Variants in LYST observed in about 807,000 individuals in gnomAD.
LYST encodes the protein lysosomal-trafficking regulator.
In LYST, 192 loss-of-function variants were observed where a neutral mutation model predicts 413.6. The observed-to-expected ratio is 0.46, with a 90% confidence interval of 0.41 to 0.52. LYST has a LOEUF of 0.52. LYST is among the 20% of genes least tolerant of loss of function. The probability of loss-of-function intolerance (pLI) is 0.00; values close to 1 mark genes in which losing one functional copy is unlikely to be tolerated. For synonymous variants in LYST, 1,525 were observed against 1,567.3 expected, an observed-to-expected ratio of 0.97 and a Z score of 0.64; for missense variants, 3,815 against 4,499.9, an observed-to-expected ratio of 0.85 and a Z score of 4.35.
At chr1:235,798,578 TAAAAAAAAAAAAAAAAAA>T (rs71174462) in intron 10 of LYST, among the ~76,000 whole-genome samples, 2,064 of 81,750 alleles carry the variant, frequency 0.025, 97 homozygotes, top group Middle Eastern at 0.047. Flanking sequence ...AACCCTGTCA[TAAAAAAAAAAAAAAAAAA>T]AAAAAAAAAA....
At chr1:235,730,365 G>C (rs1664257404) in intron 36 of LYST, among the ~76,000 whole-genome samples, 1 of 151,950 alleles carries the variant, frequency 6.6e-6, no homozygotes, top group African/African-American at 2.4e-5. Flanking sequence ...ACTTGCCTAA[G>C]ATTAAAGAGC....
chr1:235,697,254 T>C lies in LYST; in HGVS notation c.10393A>G (p.Lys3465Glu). The change falls in exon 46 of 53, where the codon AAA becomes GAA. Residue 3465 changes from lysine (K) to glutamate (E), a missense_variant. Around this residue, in one of 4 missense-constraint regions of LYST, gnomAD observed 866 missense variants for 1,156.0 expected, o/e 0.75. Transcript: ENST00000389793. Reference sequence around the variant, plus strand: ...ACGTATTCCCCCCATTTCAAGCCTTTTATCCATGACAAAGGACTCTAAAAT... The same window carrying C: ...ACGTATTCCCCCCATTTCAAGCCTTCTATCCATGACAAAGGACTCTAAAAT... ...ITYPSPLSWIKGLKWGEYVGS... is the reference protein window; with the variant it reads ...ITYPSPLSWIEGLKWGEYVGS... 1 of 1,613,940 alleles carries C rather than the reference T, an allele frequency of 6.2e-7. No individual in the cohort carries two copies. The highest frequency in any genetic ancestry group is 8.5e-7 in the Non-Finnish European group (1 of 1,179,846).
intron 36 of LYST, among the ~76,000 whole-genome samples, chr1:235,730,226 C>A (rs1664244161): frequency 6.6e-6 from 1 of 151,930 alleles, no homozygotes; most frequent in Non-Finnish European, 1.5e-5. Context: ...ATAACAACCA[C>A]AATAACTGCA....
Position 235,663,096 on chromosome 1 carries a change from T to A in LYST, c.11268-18A>T, listed in dbSNP as rs1244901878. ...ATGTAAGGCTGTAAAAAAAAAAAAATTCCCATTTGTACATTATATTTCTTA... is the reference window on the plus strand; with the variant it reads ...ATGTAAGGCTGTAAAAAAAAAAAAAATCCCATTTGTACATTATATTTCTTA... On this transcript the variant is annotated intron_variant, in intron 52 of 52. Transcript: ENST00000389793. The A allele has an allele frequency of 3.7e-6, 5 of 1,358,952 alleles. No homozygotes were observed. The highest frequency in any genetic ancestry group is 5.3e-6 in the Non-Finnish European group (5 of 948,318). 84.2% of individuals were successfully genotyped at this position (1,358,952 alleles called of 1,614,324 possible).
Position 235,686,882 on chromosome 1 carries a change from T to C in LYST, c.10800+67A>G. On this transcript the variant is annotated intron_variant, in intron 48 of 52. Transcript: ENST00000389793. This position sits in a 1 kb window ranked among gnomAD's most constrained non-coding sequence, Gnocchi z 4.0. Reference sequence around the variant, plus strand: ...TAATCTTATGCAAAGTGAATTATACTTCATAAAGGCTTTCTTCCCCTCATT... The same window carrying C: ...TAATCTTATGCAAAGTGAATTATACCTCATAAAGGCTTTCTTCCCCTCATT... The C allele has an allele frequency of 8.7e-7, 1 of 1,146,130 alleles. No individual in the cohort carries two copies. The highest frequency in any genetic ancestry group is 2.3e-5 in the East Asian group (1 of 42,736). 71.0% of individuals were successfully genotyped at this position (1,146,130 alleles called of 1,614,324 possible). A position where few individuals can be genotyped will look rare whatever the true frequency, so the allele number is the denominator to read the frequency against.
chr1:235,734,584 C>A lies in LYST; in HGVS notation c.8434G>T (p.Gly2812Cys). Reference sequence around the variant, plus strand: ...GCATTCATAAGCAGTTCTGCTGTGCCTAGCTCTTCTTCAGTCAATTCACCT... The same window carrying A: ...GCATTCATAAGCAGTTCTGCTGTGCATAGCTCTTCTTCAGTCAATTCACCT... ...HQGELTEEEL[G>C]TAELLMNALK... Residue 2812 changes from glycine to cysteine, a missense_variant, in exon 32 of 53, where the codon GGC (glycine) becomes TGC (cysteine). Around this residue, in one of 4 missense-constraint regions of LYST, gnomAD observed 771 missense variants for 837.1 expected, o/e 0.92. Coordinates refer to ENST00000389793, the MANE Select transcript of LYST (RefSeq NM_000081.4). 1 of 1,613,304 alleles carries A rather than the reference C, an allele frequency of 6.2e-7. No individual in the cohort carries two copies. The highest frequency in any genetic ancestry group is 8.5e-7 in the Non-Finnish European group (1 of 1,179,354).
At chr1:235,718,409 C>T (rs1663043570) in intron 40 of LYST, among the ~76,000 whole-genome samples, 1 of 151,040 alleles carries the variant, frequency 6.6e-6, no homozygotes, top group African/African-American at 2.4e-5. Flanking sequence ...CAAACATGAT[C>T]TCAGCTCACT....
In LYST at chr1:235,804,654, C is replaced by T. The variant is rs1672616397; in HGVS notation, c.3405G>A (p.Val1135=). ...CCCTCATTTCAAATAATATACTTTC[C>T]ACAGACAAGTTCTAAGGTAAAATAA... ...ELELPNQNLS[V]ESILFEMRDH... Residue 1135 remains valine, a synonymous_variant, in exon 7 of 53, where the codon GTG becomes GTA. Transcript: ENST00000389793. 1.2e-6 allele frequency: 2 copies of T among 1,600,040 alleles called. No individual in the cohort carries two copies. The highest frequency in any genetic ancestry group is 1.7e-6 in the Non-Finnish European group (2 of 1,168,354).
At chr1:235,724,437 G>A (rs750690676) in intron 38 of LYST, among the ~76,000 whole-genome samples, 4 of 152,000 alleles carry the variant, frequency 2.6e-5, no homozygotes, top group East Asian at 1.9e-4. Context: ...GAATTCTCAC[G>A]TATCCTCCCC....
At chr1:235,740,021 G>A (rs1410626051) in intron 31 of LYST, among the ~76,000 whole-genome samples, 1 of 152,152 alleles carries the variant, frequency 6.6e-6, no homozygotes, top group Non-Finnish European at 1.5e-5. Context: ...TAGCAACTTT[G>A]CTGAGTATAA....
intron 28 of LYST, among the ~76,000 whole-genome samples, chr1:235,747,585 T>C (rs1053770983): frequency 3.9e-5 from 6 of 152,174 alleles, no homozygotes; most frequent in Non-Finnish European, 8.8e-5. Context: ...TTCAAGAGTT[T>C]TACTGTCAAA....
At chr1:235,682,207 G>C (rs1448340673) in intron 48 of LYST, among the ~76,000 whole-genome samples, 1 of 152,120 alleles carries the variant, frequency 6.6e-6, no homozygotes. Flanking sequence ...GCTATTGGTA[G>C]GGGGTCGGGG....
intron 24 of LYST, 87 bp downstream of exon 24, chr1:235,757,194 C>T: frequency 1.3e-6 from 1 of 785,138 alleles, no homozygotes; most frequent in Non-Finnish European, 2.0e-6. Flanking sequence ...AGATTTAGGT[C>T]TACTTTAATG....
At chr1:235,841,031 G>A (rs1220512509) in intron 1 of LYST, among the ~76,000 whole-genome samples, 1 of 152,162 alleles carries the variant, frequency 6.6e-6, no homozygotes, top group Non-Finnish European at 1.5e-5. Flanking sequence ...TCTGCTGTCA[G>A]GGCAAAACCA....
intron 39 of LYST, 57 bp downstream of exon 39, chr1:235,723,967 ATAGT>A: frequency 2.2e-6 from 3 of 1,347,874 alleles, no homozygotes; most frequent in Non-Finnish European, 3.2e-6. Flanking sequence ...CAGTATGAGT[ATAGT>A]TACAGTGGCC....
At chr1:235,742,741 G>T (rs370884855) in intron 30 of LYST, among the ~76,000 whole-genome samples, 13 of 151,604 alleles carry the variant, frequency 8.6e-5, no homozygotes, top group East Asian at 5.8e-4. Flanking sequence ...AAAAGAGAAA[G>T]GATTCATAAT....
At chr1:235,860,272 T>C (rs1476104367) in intron 1 of LYST, among the ~76,000 whole-genome samples, 1 of 152,168 alleles carries the variant, frequency 6.6e-6, no homozygotes. Flanking sequence ...CTCTCACACA[T>C]GTACAGCCTC....
Position 235,759,446 on chromosome 1 carries a change from G to A in LYST, c.6407C>T (p.Ala2136Val), listed in dbSNP as rs1667364704. 2.5e-6 allele frequency: 4 copies of A among 1,614,084 alleles called. No individual in the cohort carries two copies. Among genetic ancestry groups the A allele is most frequent in the Non-Finnish European group, 3.4e-6 (4 of 1,179,994 alleles). Residue 2136 changes from alanine to valine, a missense_variant, in exon 23 of 53, where the codon GCA (alanine) becomes GTA (valine). Transcript: ENST00000389793. ...TGATTGGGTGGCAACATAAGTATCT[G>A]CAATATTTTGTAACCTGTCGATACT... ...GCSIDRLQNI[A>V]DTYVATQSKK...
chr1:235,836,884 G>C (rs569593551), intron 1 of LYST, among the ~76,000 whole-genome samples: 9 of 152,308 alleles, frequency 5.9e-5, no homozygotes, highest in African/African-American at 2.2e-4. Flanking sequence ...AAGTAATCAA[G>C]TAGGCAGCTG....
Sources: allele counts gnomAD v4.1 joint callset (sites outside exome capture counted in the v4.1 genomes callset), GRCh38; gene constraint gnomAD v4.1.1; regional missense constraint gnomAD v4.1.1; non-coding constraint Gnocchi (gnomAD v3.1); transcripts MANE v1.5; gene names NCBI Gene and HGNC (gene_info 2026-07-23, HGNC 2026-07-21).